SYTL3: variants seen among roughly 807,000 people sequenced by gnomAD.
The protein encoded by SYTL3 is synaptotagmin-like protein 3.
Under a neutral mutation model 82.1 loss-of-function variants are expected in SYTL3, and 88 were observed. That is an observed-to-expected ratio of 1.07 (90% CI 0.90 to 1.28). The LOEUF is 1.28. Ranked by LOEUF, SYTL3 falls within the 50% of genes most tolerant of loss-of-function variation. The pLI is 0.00. For missense variants in SYTL3, 831 were observed against 757.6 expected, an observed-to-expected ratio of 1.10 and a Z score of -1.14; for synonymous variants, 311 against 289.4, an observed-to-expected ratio of 1.07 and a Z score of -0.76.
At chr6:158,672,811 T>C (rs1025739581) in intron 5 of SYTL3, among the ~76,000 whole-genome samples, 5 of 152,082 alleles carry the variant, frequency 3.3e-5, no homozygotes, top group Non-Finnish European at 5.9e-5. Context: ...TTTTGTATTT[T>C]TTTGTAGAGA....
Position 158,713,840 on chromosome 6 carries a change from T to A in SYTL3, c.557T>A (p.Val186Glu), listed in dbSNP as rs1488620999. ...FGQFRGFNKS[V>E]ENLFLSLATH... The stretch of plus-strand genomic sequence containing the variant: ...CAGTTTAGAGGATTTAATAAGTCCG[T>A]GGAAAATTTGTTTCTGTCTCTTGCT... The change falls in exon 9 of 18, where the codon GTG (valine) becomes GAG (glutamate). Residue 186 changes from valine to glutamate, a missense_variant. By Grantham distance (121) the Val-to-Glu change is moderately radical. Coordinates refer to ENST00000611299, the MANE Select transcript of SYTL3 (RefSeq NM_001242394.2). The A allele has an allele frequency of 2.6e-6, 4 of 1,550,896 alleles. No individual in the cohort carries two copies. The highest frequency in any genetic ancestry group is 3.5e-6 in the Non-Finnish European group (4 of 1,146,796).
rs143435118 is a variant in SYTL3, at chr6:158,745,537, A to G, written c.913A>G (p.Asn305Asp). 95 of 1,613,864 alleles carry G rather than the reference A, an allele frequency of 5.9e-5. 1 individual carries two copies. In the African/African-American group the frequency reaches 6.1e-4, roughly 10 times the overall value. The part of the protein sequence containing the change: ...CTEMGNFDNA[N>D]VTGEIEFAIH... ...AGAGATGGGCAATTTTGACAATGCT[A>G]ATGTCACTGGAGAAATAGAATTTGC... The change falls in exon 12 of 18, where the codon AAT becomes GAT. Residue 305 changes from asparagine to aspartate, a missense_variant. Transcript: ENST00000611299.
chr6:158,709,416 G>A (rs955350990), intron 8 of SYTL3, among the ~76,000 whole-genome samples: 2 of 152,092 alleles, frequency 1.3e-5, no homozygotes, highest in African/African-American at 2.4e-5. Flanking sequence ...AAAATGCAAA[G>A]TACGGTTTCT....
At chr6:158,721,378 G>A (rs1376476461) in intron 10 of SYTL3, among the ~76,000 whole-genome samples, 1 of 151,984 alleles carries the variant, frequency 6.6e-6, no homozygotes, top group Non-Finnish European at 1.5e-5. Context: ...ACCATGCCTG[G>A]CTGATTTTTT....
At chr6:158,761,938 C>T (rs1281085301) in intron 15 of SYTL3, 138 bp from the exon 16 acceptor site, 8 of 628,536 alleles carry the variant, frequency 1.3e-5, no homozygotes, top group Admixed American at 1.2e-4. Context: ...GAGCCCACTG[C>T]ACCACTCCCA....
At chr6:158,730,572 G>A (rs758453365) in intron 11 of SYTL3, among the ~76,000 whole-genome samples, 1 of 152,136 alleles carries the variant, frequency 6.6e-6, no homozygotes, top group Non-Finnish European at 1.5e-5. Context: ...TGGCCTCTGG[G>A]GTAAGGAATC....
At chr6:158,703,021 G>A (rs1320369190) in intron 6 of SYTL3, among the ~76,000 whole-genome samples, 1 of 151,802 alleles carries the variant, frequency 6.6e-6, no homozygotes, top group African/African-American at 2.4e-5. Flanking sequence ...AGGTGTGGTG[G>A]CGGGCGCCTG....
intron 13 of SYTL3, 99 bp downstream of exon 13, chr6:158,752,129 A>T (rs548630308): frequency 8.6e-6 from 6 of 695,424 alleles, no homozygotes; most frequent in Non-Finnish European, 1.4e-5. Flanking sequence ...CTCTTGACTC[A>T]GTTAGATATA....
intron 11 of SYTL3, among the ~76,000 whole-genome samples, chr6:158,740,295 C>T (rs1356328257): frequency 6.6e-6 from 1 of 152,074 alleles, no homozygotes; most frequent in South Asian, 2.1e-4. Flanking sequence ...CATGCCCAGC[C>T]AAGGCCTTAA....
intron 6 of SYTL3, among the ~76,000 whole-genome samples, chr6:158,693,905 C>T (rs1185685004): frequency 7.5e-6 from 1 of 132,584 alleles, no homozygotes; most frequent in Non-Finnish European, 1.5e-5. Context: ...GTTGCCCAGG[C>T]TGGTCTCGAA....
chr6:158,754,083 G>A (rs1290805849), intron 13 of SYTL3, among the ~76,000 whole-genome samples: 1 of 152,124 alleles, frequency 6.6e-6, no homozygotes, highest in African/African-American at 2.4e-5. Flanking sequence ...GGCTTTGTGC[G>A]ACCTGAGGTG....
intron 8 of SYTL3, among the ~76,000 whole-genome samples, chr6:158,709,549 TAAC>T (rs1312314750): frequency 6.6e-6 from 1 of 152,152 alleles, no homozygotes; most frequent in Non-Finnish European, 1.5e-5. Context: ...TGTGAGAAAT[TAAC>T]AAAATAATGT....
chr6:158,736,219 C>T (rs1035207203), intron 11 of SYTL3, among the ~76,000 whole-genome samples: 2 of 151,814 alleles, frequency 1.3e-5, no homozygotes, highest in African/African-American at 2.4e-5. Flanking sequence ...GGCGTTGTGG[C>T]GGGTGCCTGT....
intron 4 of SYTL3, among the ~76,000 whole-genome samples, chr6:158,664,311 G>A (rs1789747775): frequency 6.6e-6 from 1 of 152,198 alleles, no homozygotes; most frequent in African/African-American, 2.4e-5. Context: ...TTGGGAGGTT[G>A]AGGCGGGCGG....
At position 158,756,289 on chromosome 6, in the gene SYTL3, G is replaced by A. The variant is rs187401894; in HGVS notation, c.1138-922G>A. Among the ~76,000 whole-genome samples, 7 of 152,374 alleles carry A rather than the reference G, an allele frequency of 4.6e-5. No individual in the cohort carries two copies. In the East Asian group the frequency reaches 1.4e-3, roughly 29 times the overall value. On this transcript the variant is annotated intron_variant, in intron 13 of 17. Coordinates refer to ENST00000611299, the MANE Select transcript of SYTL3 (RefSeq NM_001242394.2). ...CCCCTGTGTGGACAGTAAGAACATCGTGTTGGCCTCTGCCAAGCCAGCACA... is the reference window on the plus strand; with the variant it reads ...CCCCTGTGTGGACAGTAAGAACATCATGTTGGCCTCTGCCAAGCCAGCACA...
rs1424439557 is a variant in SYTL3 at position 158,701,927 on chromosome 6, A to G, written c.395-5303A>G. Among the ~76,000 whole-genome samples, 6 of 151,992 alleles carry G rather than the reference A, an allele frequency of 3.9e-5. No individual in the cohort carries two copies. In the East Asian group the frequency reaches 1.2e-3, roughly 29 times the overall value. ...CCCTGATGGTCACGGGGCTGTCTCC[A>G]CATTGTCTCCCCTCTGTGCCCATCT... is the stretch of plus-strand genomic sequence containing the variant. On this transcript the variant is annotated intron_variant, in intron 6 of 17. Transcript: ENST00000611299.
At chr6:158,742,265 C>G (rs760225478) in intron 11 of SYTL3, among the ~76,000 whole-genome samples, 72 of 152,348 alleles carry the variant, frequency 4.7e-4, no homozygotes, top group Non-Finnish European at 8.8e-4. Flanking sequence ...TATCAAATAG[C>G]AAATTCCAAC....
intron 5 of SYTL3, among the ~76,000 whole-genome samples, chr6:158,670,505 G>A (rs989811399): frequency 6.6e-6 from 1 of 152,134 alleles, no homozygotes; most frequent in Non-Finnish European, 1.5e-5. Context: ...TTGCTGGCCG[G>A]GCATGGTGGC....
At chr6:158,705,822 A>G (rs1209833195) in intron 6 of SYTL3, among the ~76,000 whole-genome samples, 2 of 152,072 alleles carry the variant, frequency 1.3e-5, no homozygotes, top group Non-Finnish European at 2.9e-5. Flanking sequence ...ATCCAGAGAC[A>G]GGAGCACCCT....
Sources: gnomAD v4.1 joint callset for allele counts (sites outside exome capture counted in the v4.1 genomes callset) on GRCh38, gnomAD v4.1.1 for gene constraint, MANE v1.5 for transcripts, NCBI Gene and HGNC (gene_info 2026-07-23, HGNC 2026-07-21) for gene names.